HAUS1: variants seen among roughly 807,000 people sequenced by gnomAD.
HAUS1 encodes HAUS augmin-like complex subunit 1.
HAUS1 carries 25 observed loss-of-function variants against 38.6 expected under a neutral mutation model. That is an observed-to-expected ratio of 0.65 (90% CI 0.47 to 0.91). The LOEUF (loss-of-function observed/expected upper bound fraction) is 0.91, where lower values mean the gene tolerates loss of function less well. HAUS1 is among the 40% of genes least tolerant of loss of function. The pLI is 0.00. For missense variants in HAUS1, 325 were observed against 328.4 expected (o/e 0.99, Z 0.08); for synonymous variants, 109 against 112.9 (o/e 0.97, Z 0.22).
intron 7 of HAUS1, 84 bp from the exon 8 acceptor site, chr18:46,125,660 T>G: frequency 1.1e-6 from 1 of 949,372 alleles, no homozygotes; most frequent in Non-Finnish European, 1.6e-6. Flanking sequence ...ATTTTTGCCT[T>G]TTGAAAAGGA....
chr18:46,116,192 C>G (rs1223075113), intron 2 of HAUS1, among the ~76,000 whole-genome samples: 2 of 151,930 alleles, frequency 1.3e-5, no homozygotes, highest in African/African-American at 2.4e-5. Flanking sequence ...AGAGACAGTC[C>G]TCAGAATGGG....
chr18:46,104,461 G>C lies in HAUS1; in HGVS notation c.30+20G>C. 2 of 1,469,796 alleles carry C rather than the reference G, an allele frequency of 1.4e-6. No individual in the cohort carries two copies. The highest frequency in any genetic ancestry group is 1.8e-6 in the Non-Finnish European group (2 of 1,101,512). 91.0% of individuals were successfully genotyped at this position (1,469,796 alleles called of 1,614,324 possible). A position where few individuals can be genotyped will look rare whatever the true frequency, so the allele number is the denominator to read the frequency against. On this transcript the variant is annotated intron_variant, in intron 1 of 8. Coordinates refer to ENST00000282058, the MANE Select transcript of HAUS1 (RefSeq NM_138443.4). Reference sequence around the variant, plus strand: ...ACGCAGGTGATGGGGCGGGAATGGGGATCGTTGGCCTCCTGGAAAACGCGT... The same window carrying C: ...ACGCAGGTGATGGGGCGGGAATGGGCATCGTTGGCCTCCTGGAAAACGCGT...
Position 46,128,140 on chromosome 18 carries a change from A to G in HAUS1, c.*15A>G. Reference sequence around the variant, plus strand: ...TGGAACTGTGACAAAAGCCAAATAAACATCCTTTTCCCTAACAAAGTAAAT... The same window carrying G: ...TGGAACTGTGACAAAAGCCAAATAAGCATCCTTTTCCCTAACAAAGTAAAT... On this transcript the variant is annotated 3_prime_UTR_variant, in exon 9 of 9. Transcript: ENST00000282058. The G allele has an allele frequency of 1.3e-6, 2 of 1,553,496 alleles. No homozygotes were observed. The highest frequency in any genetic ancestry group is 1.7e-6 in the Non-Finnish European group (2 of 1,143,682).
Position 46,128,201 on chromosome 18 carries a change from C to A in HAUS1, c.*76C>A. ...TTTACAGAGTTCTTTTTCCTCTTGG[C>A]ATTTCCTAATAACAAAACTTTCTGT... is the stretch of plus-strand genomic sequence containing the variant. On this transcript the variant is annotated 3_prime_UTR_variant, in exon 9 of 9. Coordinates refer to ENST00000282058, the MANE Select transcript of HAUS1 (RefSeq NM_138443.4). The A allele has an allele frequency of 1.2e-6, 1 of 821,290 alleles. No homozygotes were observed. The allele number at this position is 821,290 out of a possible 1,614,324, so 50.9% of individuals were successfully genotyped here. A position where few individuals can be genotyped will look rare whatever the true frequency, so the allele number is the denominator to read the frequency against.
intron 7 of HAUS1, among the ~76,000 whole-genome samples, chr18:46,125,243 G>T (rs2144266340): frequency 6.6e-6 from 1 of 151,202 alleles, no homozygotes; most frequent in Non-Finnish European, 1.5e-5. Context: ...CTGCTCAACA[G>T]AGCAAGACTC....
At chr18:46,123,206 G>A in intron 5 of HAUS1, 93 bp from the exon 6 acceptor site, 1 of 853,116 alleles carries the variant, frequency 1.2e-6, no homozygotes, top group Non-Finnish European at 1.9e-6. Flanking sequence ...GCAAGACTCG[G>A]TCTCAAAAAA....
chr18:46,111,885 C>CT lies in HAUS1; in HGVS notation c.206-6280dup, dbSNP rs370593835. Among the ~76,000 whole-genome samples the CT allele has an allele frequency of 6.7e-3, 903 of 134,402 alleles. 1 individual carries two copies. The highest frequency in any genetic ancestry group is 0.014 in the African/African-American group (495 of 36,202). 88.2% of individuals were successfully genotyped at this position (134,402 alleles called of 152,430 possible). A position where few individuals can be genotyped will look rare whatever the true frequency, so the allele number is the denominator to read the frequency against. ...GGCTCTCTTCATTTTCTTTTCTTTT[C>CT]TTTTTTTTTTTTTTTTATGAGATGG... On this transcript the variant is annotated intron_variant, in intron 2 of 8. Transcript: ENST00000282058.
intron 2 of HAUS1, among the ~76,000 whole-genome samples, chr18:46,106,548 T>G (rs558930101): frequency 2.3e-4 from 35 of 151,964 alleles, no homozygotes; most frequent in African/African-American, 8.4e-4. Flanking sequence ...AAGTAAAGAT[T>G]GACAAAAATC....
chr18:46,116,849 C>CA (rs553241129), intron 2 of HAUS1, among the ~76,000 whole-genome samples: 18 of 151,976 alleles, frequency 1.2e-4, no homozygotes, highest in African/African-American at 4.3e-4. Context: ...ACCATCTCCA[C>CA]AAAAAAATAC....
chr18:46,104,845 C>CT (rs1347413760), intron 1 of HAUS1, among the ~76,000 whole-genome samples: 2 of 152,276 alleles, frequency 1.3e-5, no homozygotes, highest in African/African-American at 2.4e-5. Flanking sequence ...GGGACAATTG[C>CT]TTTTTTCAGA....
intron 8 of HAUS1, chr18:46,126,803 T>TTATC (rs1296893894): frequency 1.1e-5 from 1 of 92,282 alleles, no homozygotes; most frequent in South Asian, 2.8e-4. Flanking sequence ...TTTTGCATTT[T>TTATC]TATTTATTTA....
intron 2 of HAUS1, among the ~76,000 whole-genome samples, chr18:46,109,004 G>A (rs8084557): frequency 0.067 from 10,121 of 150,914 alleles, 451 homozygotes; most frequent in African/African-American, 0.13. Context: ...CTGGGAGGTG[G>A]AGCTTGCAGT....
At chr18:46,111,334 ATTATTTTTGAGACAGAGTCTCAC>A (rs1216097907) in intron 2 of HAUS1, among the ~76,000 whole-genome samples, 1 of 150,558 alleles carries the variant, frequency 6.6e-6, no homozygotes, top group Non-Finnish European at 1.5e-5. Context: ...TATTAATGTT[ATTATTTTTGAGACAGAGTCTCAC>A]TCTGTTGCCC....
At chr18:46,119,413 C>CT (rs146755160) in intron 3 of HAUS1, among the ~76,000 whole-genome samples, 2,830 of 146,512 alleles carry the variant, frequency 0.019, 77 homozygotes, top group African/African-American at 0.06. Context: ...AATTTCTTGC[C>CT]TTTTTTTTTT....
rs571822236 is a variant in HAUS1, at chr18:46,122,502, A to G, written c.512A>G (p.Glu171Gly). 6 of 1,614,004 alleles carry G rather than the reference A, an allele frequency of 3.7e-6. No individual in the cohort carries two copies. The Admixed American group carries it at 8.3e-5, about 22-fold the overall frequency. Residue 171 changes from glutamate to glycine, a missense_variant, in exon 5 of 9, where the codon GAA (glutamate) becomes GGA (glycine). By Grantham distance (98) the Glu-to-Gly change is moderately conservative (BLOSUM62 -2). Coordinates refer to ENST00000282058, the MANE Select transcript of HAUS1 (RefSeq NM_138443.4). ...VKKAELHLST[E>G]RAKVDNRRQN... ...AAAGCAGAGTTGCATCTGTCTACAG[A>G]AAGGGCCAAAGTTGATAATCGTCGT...
At chr18:46,111,885 C>CTT (rs370593835) in intron 2 of HAUS1, among the ~76,000 whole-genome samples, 62 of 134,412 alleles carry the variant, frequency 4.6e-4, no homozygotes, top group African/African-American at 1.4e-3. Flanking sequence ...CTTTTCTTTT[C>CTT]TTTTTTTTTT....
chr18:46,120,257 C>T (rs574993871), intron 4 of HAUS1, among the ~76,000 whole-genome samples, 197 bp downstream of exon 4: 229 of 147,894 alleles, frequency 1.5e-3, no homozygotes, highest in Admixed American at 4.5e-3. Context: ...TTTTTTGAAA[C>T]GGAGTCTCAC....
chr18:46,118,937 G>C (rs894260680), intron 3 of HAUS1, among the ~76,000 whole-genome samples: 2 of 152,056 alleles, frequency 1.3e-5, no homozygotes, highest in Non-Finnish European at 2.9e-5. Flanking sequence ...GCGTGATCTC[G>C]GCTCCCTACA....
At chr18:46,105,550 ATGTGTGTGTGTGTGTG>A (rs34943742) in intron 2 of HAUS1, 182 bp downstream of exon 2, 8 of 270,564 alleles carry the variant, frequency 3.0e-5, no homozygotes, top group East Asian at 9.2e-5. Context: ...ATGTATATGT[ATGTGTGTGTGTGTGTG>A]TGTGTGTGTG....
Sources: allele counts gnomAD v4.1 joint callset (sites outside exome capture counted in the v4.1 genomes callset), GRCh38; gene constraint gnomAD v4.1.1; transcripts MANE v1.5; gene names NCBI Gene and HGNC (gene_info 2026-07-23, HGNC 2026-07-21).